Variants in RCAN2 observed in about 807,000 individuals in gnomAD.
The protein encoded by RCAN2 is calcipressin-2.
In RCAN2, 9 loss-of-function variants were observed where a neutral mutation model predicts 23.6. The observed-to-expected ratio is 0.38, with a 90% CI of 0.23 to 0.67. RCAN2 has a LOEUF of 0.67. Among genes scored for constraint, RCAN2 ranks in the 30% least tolerant of loss-of-function variants. The pLI is 0.51. For missense variants in RCAN2, 273 were observed against 302.3 expected, an observed-to-expected ratio of 0.90 and a Z score of 0.72; for synonymous variants, 109 against 115.7, an observed-to-expected ratio of 0.94 and a Z score of 0.37.
intron 4 of RCAN2, among the ~76,000 whole-genome samples, chr6:46,239,232 T>G (rs1421287961): frequency 6.6e-6 from 1 of 152,226 alleles, no homozygotes; most frequent in Non-Finnish European, 1.5e-5. Context: ...CATAGCTATT[T>G]GGTAGCTGCC....
In RCAN2 at chr6:46,468,021, T is replaced by C. The variant is rs148571563; in HGVS notation, c.-2-11043A>G. On this transcript the variant is annotated intron_variant, in intron 1 of 4. Coordinates refer to ENST00000371374, the MANE Select transcript of RCAN2 (RefSeq NM_001251974.2). ...TTTTCTGCAAGTTAGCTCTGCTTAC[T>C]AGGCCTCAGTTTCCACAGCTATAAA... Among the ~76,000 whole-genome samples the C allele has an allele frequency of 4.6e-3, 699 of 152,344 alleles. 3 individuals carry two copies. The highest frequency in any genetic ancestry group is 0.016 in the African/African-American group (664 of 41,576).
intron 2 of RCAN2, among the ~76,000 whole-genome samples, chr6:46,327,747 T>C (rs552654595): frequency 2.0e-5 from 3 of 152,332 alleles, no homozygotes; most frequent in South Asian, 4.1e-4. Context: ...AAAAGAAACA[T>C]TTCAATTTTT....
chr6:46,284,827 C>G (rs1017128411), intron 2 of RCAN2, among the ~76,000 whole-genome samples: 1 of 152,174 alleles, frequency 6.6e-6, no homozygotes, highest in Non-Finnish European at 1.5e-5. Flanking sequence ...TTGGGAAAAG[C>G]AGTATATTAC....
chr6:46,402,878 C>T (rs538411956), intron 2 of RCAN2, among the ~76,000 whole-genome samples: 26 of 152,264 alleles, frequency 1.7e-4, no homozygotes, highest in African/African-American at 6.3e-4. Context: ...TTAATCTGCC[C>T]TTTCTGAGGT....
chr6:46,468,855 T>C, intron 1 of RCAN2: 1 of 985,318 alleles, frequency 1.0e-6, no homozygotes. Flanking sequence ...AGATTCTCAT[T>C]GTCTCCAGCT....
intron 4 of RCAN2, among the ~76,000 whole-genome samples, chr6:46,231,686 A>C (rs913993409): frequency 2.2e-4 from 33 of 152,276 alleles, no homozygotes; most frequent in African/African-American, 7.9e-4. Context: ...CTGGGATTAC[A>C]GGTGTGAGCC....
At chr6:46,450,081 T>G (rs1312635349) in intron 2 of RCAN2, among the ~76,000 whole-genome samples, 1 of 151,852 alleles carries the variant, frequency 6.6e-6, no homozygotes, top group Non-Finnish European at 1.5e-5. Flanking sequence ...CAAAAATACA[T>G]AAGGAACTCA....
chr6:46,270,487 C>T (rs1240322225), intron 2 of RCAN2, among the ~76,000 whole-genome samples: 2 of 152,144 alleles, frequency 1.3e-5, no homozygotes, highest in Non-Finnish European at 2.9e-5. Flanking sequence ...CTGAGCTTCT[C>T]GTCAACCAGT....
chr6:46,416,375 A>G (rs1168717575), intron 2 of RCAN2, among the ~76,000 whole-genome samples: 1 of 148,496 alleles, frequency 6.7e-6, no homozygotes, highest in Non-Finnish European at 1.5e-5. Context: ...AGGATCTAGT[A>G]TGGTACCTTC....
Position 46,466,286 on chromosome 6 carries a change from T to C in RCAN2, c.-2-9308A>G, listed in dbSNP as rs183771806. Among the ~76,000 whole-genome samples, 11 of 152,254 alleles carry C rather than the reference T, an allele frequency of 7.2e-5. No homozygotes were observed. In the East Asian group the frequency reaches 1.5e-3, roughly 21 times the overall value. On this transcript the variant is annotated intron_variant, in intron 1 of 4. Transcript: ENST00000371374. ...TCATCTTTCACCTTTGGTTTTCAGA[T>C]GGGGCATGGAGTGCTGGAGAGAAAC... is the stretch of plus-strand genomic sequence containing the variant.
At chr6:46,349,275 C>T (rs1212109420) in intron 2 of RCAN2, among the ~76,000 whole-genome samples, 1 of 152,068 alleles carries the variant, frequency 6.6e-6, no homozygotes, top group Non-Finnish European at 1.5e-5. Flanking sequence ...GAGAGAAAGA[C>T]ATTCACAGAT....
At chr6:46,472,036 A>G (rs1768571548) in intron 1 of RCAN2, among the ~76,000 whole-genome samples, 1 of 152,212 alleles carries the variant, frequency 6.6e-6, no homozygotes, top group Non-Finnish European at 1.5e-5. Context: ...TGGGTGGAGA[A>G]CAGGAAACCT....
intron 2 of RCAN2, among the ~76,000 whole-genome samples, chr6:46,308,430 C>G (rs888918576): frequency 6.6e-6 from 1 of 152,110 alleles, no homozygotes; most frequent in Non-Finnish European, 1.5e-5. Flanking sequence ...TGTGAGGAAA[C>G]ATTTGGATTA....
intron 2 of RCAN2, among the ~76,000 whole-genome samples, chr6:46,317,727 A>G (rs943729122): frequency 6.6e-6 from 1 of 152,136 alleles, no homozygotes; most frequent in Admixed American, 6.5e-5. Context: ...GGCCTCCCAA[A>G]GTGTTGGGAT....
chr6:46,229,642 A>G (rs554420598), intron 4 of RCAN2, among the ~76,000 whole-genome samples: 5 of 152,210 alleles, frequency 3.3e-5, no homozygotes, highest in African/African-American at 9.6e-5. Flanking sequence ...CGTCTTCTCT[A>G]TGCTGTTTAT....
chr6:46,381,665 C>T (rs1765619102), intron 2 of RCAN2, among the ~76,000 whole-genome samples: 2 of 152,160 alleles, frequency 1.3e-5, no homozygotes, highest in South Asian at 4.1e-4. Flanking sequence ...TCAGGAAAGG[C>T]TCAGTCCATA....
At chr6:46,364,874 C>A (rs1765121938) in intron 2 of RCAN2, among the ~76,000 whole-genome samples, 1 of 152,156 alleles carries the variant, frequency 6.6e-6, no homozygotes, top group African/African-American at 2.4e-5. Context: ...TTTGCACCAG[C>A]CACACTGGCT....
intron 1 of RCAN2, among the ~76,000 whole-genome samples, chr6:46,465,483 C>G (rs1388404888): frequency 6.6e-6 from 1 of 152,304 alleles, no homozygotes; most frequent in East Asian, 1.9e-4. Flanking sequence ...GTCTAGCACT[C>G]TCCCTAGATT....
intron 2 of RCAN2, among the ~76,000 whole-genome samples, chr6:46,316,139 A>G (rs1763428806): frequency 6.6e-6 from 1 of 152,146 alleles, no homozygotes. Context: ...AGTTTGATAT[A>G]ATGAGAGGCA....
Sources: allele counts gnomAD v4.1 joint callset (sites outside exome capture counted in the v4.1 genomes callset), GRCh38; gene constraint gnomAD v4.1.1; transcripts MANE v1.5; gene names NCBI Gene and HGNC (gene_info 2026-07-23, HGNC 2026-07-21).